PTPRD: variants seen among roughly 807,000 people sequenced by gnomAD.
The protein encoded by PTPRD is receptor-type tyrosine-protein phosphatase delta.
In PTPRD, 34 loss-of-function variants were observed where a neutral mutation model predicts 214.5. That is an observed-to-expected ratio of 0.16 (90% CI 0.12 to 0.21). The LOEUF (loss-of-function observed/expected upper bound fraction) is 0.21. PTPRD is among the 10% of genes least tolerant of loss of function. The pLI is 1.00. For missense variants in PTPRD, 2,545 were observed against 2,398.7 expected (o/e 1.06, Z -1.27); for synonymous variants, 1,128 against 845.7 (o/e 1.33, Z -5.79).
At chr9:9,055,833 T>C (rs1445698717) in intron 10 of PTPRD, among the ~76,000 whole-genome samples, 3 of 150,014 alleles carry the variant, frequency 2.0e-5, no homozygotes, top group South Asian at 2.1e-4. Context: ...ATATTTAATG[T>C]ATTTATGTAT....
In PTPRD at chr9:9,479,224, C is replaced by CA. The variant is rs1555458054; in HGVS notation, c.-236-81743_-236-81742insT. On this transcript the variant is annotated intron_variant, in intron 8 of 45. Coordinates refer to ENST00000381196, the MANE Select transcript of PTPRD (RefSeq NM_002839.4). The stretch of plus-strand genomic sequence containing the variant: ...ATACATACACACACACGCCCCCCCC[C>CA]CCCCCACACACACACCCACCTCTAG... 6.0e-3 allele frequency among the ~76,000 whole-genome samples: 617 copies of CA among 103,496 alleles called. 15 individuals carry two copies. The highest frequency in any genetic ancestry group is 0.016 in the African/African-American group (465 of 28,530). 67.9% of individuals were successfully genotyped at this position (103,496 alleles called of 152,430 possible). A position where few individuals can be genotyped will look rare whatever the true frequency, so the allele number is the denominator to read the frequency against.
Position 10,141,738 on chromosome 9 carries a change from T to C in PTPRD, c.-544-107948A>G, listed in dbSNP as rs770902199. Among the ~76,000 whole-genome samples the C allele has an allele frequency of 5.0e-3, 756 of 152,132 alleles. 1 individual carries two copies. Among genetic ancestry groups the C allele is most frequent in the Non-Finnish European group, 7.5e-3 (509 of 68,010 alleles). The stretch of plus-strand genomic sequence containing the variant: ...GCTAACAATGACTTTCTTCACAGAA[T>C]TGGAAAAAACTACTTTAAAGTTCAT... On this transcript the variant is annotated intron_variant, in intron 3 of 45. Coordinates refer to ENST00000381196, the MANE Select transcript of PTPRD (RefSeq NM_002839.4).
At position 8,317,783 on chromosome 9, in the gene PTPRD, G is replaced by A. The variant is rs902370578; in HGVS notation, c.*91C>T. ...TAAGTAGTTGTTAGCTAGAAGTTAA[G>A]AAGGACTTCTCAAGTGCCCTGTATG... On this transcript the variant is annotated 3_prime_UTR_variant, in exon 46 of 46. Transcript: ENST00000381196. 4 of 1,128,974 alleles carry A rather than the reference G, an allele frequency of 3.5e-6. No individual in the cohort carries two copies. Among genetic ancestry groups the A allele is most frequent in the Non-Finnish European group, 1.3e-6 (1 of 757,536 alleles). 69.9% of individuals were successfully genotyped at this position (1,128,974 alleles called of 1,614,324 possible).
At chr9:9,974,036 G>T (rs2095259033) in intron 4 of PTPRD, among the ~76,000 whole-genome samples, 1 of 152,180 alleles carries the variant, frequency 6.6e-6, no homozygotes, top group Non-Finnish European at 1.5e-5. Context: ...TGTGACTCCT[G>T]AGACAATTTG....
chr9:10,023,537 T>G (rs2096864167), intron 4 of PTPRD, among the ~76,000 whole-genome samples: 1 of 152,218 alleles, frequency 6.6e-6, no homozygotes, highest in Non-Finnish European at 1.5e-5. Flanking sequence ...CACAAATCTT[T>G]ATATTCACTT....
chr9:8,965,753 T>C (rs10977409), intron 11 of PTPRD, among the ~76,000 whole-genome samples: 57,553 of 151,992 alleles, frequency 0.38, 11,430 homozygotes, highest in East Asian at 0.51. Context: ...ATTCTCATCA[T>C]CTCTATCTAA....
At chr9:10,601,868 C>G (rs1276659273) in intron 2 of PTPRD, among the ~76,000 whole-genome samples, 3 of 151,696 alleles carry the variant, frequency 2.0e-5, no homozygotes, top group African/African-American at 4.8e-5. Context: ...CCTTAATTCT[C>G]ATTTACAACT....
At chr9:8,793,267 T>C (rs916065834) in intron 11 of PTPRD, among the ~76,000 whole-genome samples, 1 of 149,332 alleles carries the variant, frequency 6.7e-6, no homozygotes, top group Non-Finnish European at 1.5e-5. Flanking sequence ...ATCACTCATT[T>C]TGGAATAAGC....
intron 9 of PTPRD, among the ~76,000 whole-genome samples, chr9:9,200,753 T>C (rs536362921): frequency 1.3e-5 from 2 of 152,204 alleles, no homozygotes; most frequent in South Asian, 4.1e-4. Context: ...TCAACAATGC[T>C]TTTGCAGTGA....
intron 11 of PTPRD, among the ~76,000 whole-genome samples, chr9:8,920,602 A>T (rs2098820725): frequency 6.6e-6 from 1 of 152,162 alleles, no homozygotes; most frequent in Non-Finnish European, 1.5e-5. Flanking sequence ...AAAATTGCAA[A>T]AAAATCTCAT....
intron 8 of PTPRD, among the ~76,000 whole-genome samples, chr9:9,468,616 T>C (rs554820985): frequency 1.8e-4 from 28 of 152,244 alleles, no homozygotes; most frequent in African/African-American, 6.0e-4. Flanking sequence ...TCTATATATG[T>C]TTCTCTAATT....
chr9:9,601,723 T>C (rs1170183953), intron 7 of PTPRD, among the ~76,000 whole-genome samples: 1 of 152,080 alleles, frequency 6.6e-6, no homozygotes, highest in Non-Finnish European at 1.5e-5. Context: ...CTAGATGTGC[T>C]TTTGAATAGA....
Position 9,395,493 on chromosome 9 carries a change from T to A in PTPRD, c.-203+1956A>T, listed in dbSNP as rs143739969. ...CAACCTGGTTTAAGAAAGGAGAGTT[T>A]TAGCAGAAAACTTCAATTGATTTTG... On this transcript the variant is annotated intron_variant, in intron 9 of 45. Transcript: ENST00000381196. 5.0e-4 allele frequency among the ~76,000 whole-genome samples: 76 copies of A among 152,238 alleles called. 1 individual carries two copies. Among genetic ancestry groups the A allele is most frequent in the African/African-American group, 1.7e-3 (72 of 41,576 alleles).
At chr9:10,155,287 T>A (rs2099086217) in intron 3 of PTPRD, among the ~76,000 whole-genome samples, 1 of 152,062 alleles carries the variant, frequency 6.6e-6, no homozygotes, top group South Asian at 2.1e-4. Context: ...GATTTTTTTT[T>A]ATGTTGGTTT....
intron 12 of PTPRD, among the ~76,000 whole-genome samples, chr9:8,644,620 T>C (rs1232770871): frequency 3.3e-5 from 5 of 152,170 alleles, no homozygotes; most frequent in Non-Finnish European, 7.4e-5. Flanking sequence ...TGGTTCCTGT[T>C]GTTTCCAAGT....
intron 11 of PTPRD, among the ~76,000 whole-genome samples, chr9:8,911,112 C>A (rs1258789769): frequency 1.3e-5 from 2 of 152,162 alleles, no homozygotes; most frequent in African/African-American, 2.4e-5. Flanking sequence ...TGTTTTTGTA[C>A]AATTTTAAAA....
intron 11 of PTPRD, among the ~76,000 whole-genome samples, chr9:8,927,126 G>A (rs1315236606): frequency 6.6e-6 from 1 of 152,056 alleles, no homozygotes; most frequent in African/African-American, 2.4e-5. Flanking sequence ...TAAAAAAAAG[G>A]CAAAATTCTA....
intron 10 of PTPRD, among the ~76,000 whole-genome samples, chr9:9,069,099 A>T (rs2099740037): frequency 6.6e-6 from 1 of 152,188 alleles, no homozygotes; most frequent in Non-Finnish European, 1.5e-5. Context: ...TGTATGAGAA[A>T]ACCTGACGGA....
intron 3 of PTPRD, among the ~76,000 whole-genome samples, chr9:10,320,930 G>T (rs1185230701): frequency 6.6e-6 from 1 of 151,884 alleles, no homozygotes; most frequent in East Asian, 2.0e-4. Context: ...GTTTTTCCAT[G>T]TTGCCGAGGC....
Sources: gnomAD v4.1 joint callset for allele counts (sites outside exome capture counted in the v4.1 genomes callset) on GRCh38, gnomAD v4.1.1 for gene constraint, MANE v1.5 for transcripts, NCBI Gene and HGNC (gene_info 2026-07-23, HGNC 2026-07-21) for gene names.